IL19: variants seen among roughly 807,000 people sequenced by gnomAD.
IL19 encodes the protein interleukin-19.
A neutral mutation model predicts 19.5 loss-of-function variants in IL19; 15 were observed. The ratio of observed to expected loss-of-function variants is 0.77; its 90% confidence interval spans 0.52 to 1.19. The LOEUF (loss-of-function observed/expected upper bound fraction) is 1.19, where lower values mean the gene tolerates loss of function less well. Among genes scored for constraint, IL19 ranks in the 50% most tolerant of loss-of-function variants. The pLI, the probability that IL19 is intolerant of heterozygous loss-of-function variation, is 0.00. For missense variants in IL19, 199 were observed against 213.1 expected, an observed-to-expected ratio of 0.93 and a Z score of 0.41; for synonymous variants, 78 against 78.3, an observed-to-expected ratio of 1.00 and a Z score of 0.02.
intron 2 of IL19, among the ~76,000 whole-genome samples, chr1:206,822,204 G>A (rs1676306820): frequency 6.6e-6 from 1 of 152,174 alleles, no homozygotes; most frequent in Non-Finnish European, 1.5e-5. Context: ...AGGCTTGCAT[G>A]AAGGGGGAAA....
chr1:206,807,400 G>T (rs1433168921), intron 2 of IL19, among the ~76,000 whole-genome samples: 2 of 152,102 alleles, frequency 1.3e-5, no homozygotes, highest in Non-Finnish European at 2.9e-5. Flanking sequence ...TACTCACCAT[G>T]CTATAGTCAT....
chr1:206,842,931 C>T lies in IL19; in HGVS notation c.*309C>T. ...GTGAGCCAAGTGATATCCTGTAGTA[C>T]ACATTGTACTGAGTGGTTTTTCTGA... On this transcript the variant is annotated 3_prime_UTR_variant, in exon 7 of 7. Transcript: ENST00000659997. 1 of 201,442 alleles carries T rather than the reference C, an allele frequency of 5.0e-6. No individual in the cohort carries two copies. Among genetic ancestry groups the T allele is most frequent in the Non-Finnish European group, 1.0e-5 (1 of 99,870 alleles). 12.5% of individuals were successfully genotyped at this position (201,442 alleles called of 1,614,324 possible).
intron 2 of IL19, among the ~76,000 whole-genome samples, chr1:206,830,143 G>A (rs554559453): frequency 1.2e-3 from 181 of 152,292 alleles, no homozygotes; most frequent in African/African-American, 3.9e-3. Context: ...TAGAAAGGGC[G>A]CTGAGCCAGA....
At chr1:206,771,495 T>G (rs1674839361) in intron 1 of IL19, 1 of 1,218,536 alleles carries the variant, frequency 8.2e-7, no homozygotes, top group African/African-American at 1.5e-5. Flanking sequence ...CCCTTTCATT[T>G]AGAGATTTTT....
intron 2 of IL19, among the ~76,000 whole-genome samples, chr1:206,829,752 T>C (rs1382569764): frequency 6.6e-6 from 1 of 152,178 alleles, no homozygotes; most frequent in East Asian, 1.9e-4. Flanking sequence ...TTTCCATTAC[T>C]ATCCCTCCAT....
chr1:206,782,403 G>C (rs1675168709), intron 1 of IL19, among the ~76,000 whole-genome samples: 1 of 137,396 alleles, frequency 7.3e-6, no homozygotes, highest in Non-Finnish European at 1.6e-5. Context: ...ACCACCCTTA[G>C]AGAATGAATG....
intron 1 of IL19, among the ~76,000 whole-genome samples, chr1:206,796,056 G>A (rs1251266356): frequency 1.3e-5 from 2 of 151,922 alleles, no homozygotes; most frequent in Non-Finnish European, 1.5e-5. Context: ...CAGGAAAGCC[G>A]ATGGTATAGT....
chr1:206,810,902 TGG>T lies in IL19; in HGVS notation c.-3+11897_-3+11898del, dbSNP rs1418613621. Among the ~76,000 whole-genome samples, 3 of 152,312 alleles carry T rather than the reference TGG, an allele frequency of 2.0e-5. No homozygotes were observed. In the East Asian group the frequency reaches 5.8e-4, roughly 29 times the overall value. ...TGAGAGCTAGTTGTTTAAAAGAGCA[TGG>T]CATCTCTCTTGCTTCCTATCTCACC... On this transcript the variant is annotated intron_variant, in intron 2 of 6. Transcript: ENST00000659997.
In IL19 at chr1:206,842,698, A is replaced by AGGGGAAGGAGAT; in HGVS notation, c.*85_*96dup. On this transcript the variant is annotated 3_prime_UTR_variant, in exon 7 of 7. Transcript: ENST00000659997. ...TACTGTGGGAGACAGCCCACCTTGA[A>AGGGGAAGGAGAT]GGGGAAGGAGATGGGGAAGGCCCCT... 1.2e-6 allele frequency: 1 copy of AGGGGAAGGAGAT among 867,906 alleles called. No individual in the cohort carries two copies. Among genetic ancestry groups the AGGGGAAGGAGAT allele is most frequent in the South Asian group, 1.6e-5 (1 of 62,400 alleles). The allele number at this position is 867,906 out of a possible 1,614,324, so 53.8% of individuals were successfully genotyped here.
At chr1:206,779,589 C>T (rs949055525) in intron 1 of IL19, among the ~76,000 whole-genome samples, 7 of 152,192 alleles carry the variant, frequency 4.6e-5, no homozygotes, top group Non-Finnish European at 7.3e-5. Flanking sequence ...CCGTTCTCCA[C>T]GTTGTAGCAA....
chr1:206,828,025 T>C (rs1676485729), intron 2 of IL19, among the ~76,000 whole-genome samples: 1 of 99,410 alleles, frequency 1.0e-5, no homozygotes, highest in Non-Finnish European at 2.2e-5. Context: ...GCAAATGTGC[T>C]CAGTACTTGT....
intron 1 of IL19, among the ~76,000 whole-genome samples, chr1:206,776,503 T>A (rs968614539): frequency 2.6e-5 from 4 of 151,954 alleles, no homozygotes; most frequent in Non-Finnish European, 5.9e-5. Flanking sequence ...TACAAGATCT[T>A]ATAAAGAATC....
intron 2 of IL19, among the ~76,000 whole-genome samples, chr1:206,831,310 T>C (rs1676603308): frequency 6.6e-6 from 1 of 152,208 alleles, no homozygotes; most frequent in South Asian, 2.1e-4. Flanking sequence ...TTCTTTCTGC[T>C]TCCCTACTCA....
At chr1:206,796,407 A>ATC (rs1250050310) in intron 1 of IL19, among the ~76,000 whole-genome samples, 1 of 152,060 alleles carries the variant, frequency 6.6e-6, no homozygotes, top group Non-Finnish European at 1.5e-5. Flanking sequence ...AGCCATCACA[A>ATC]TCCTCCATTC....
In IL19 at chr1:206,842,837, C is replaced by T. The variant is rs1677064633; in HGVS notation, c.*215C>T. 4.3e-6 allele frequency: 2 copies of T among 467,662 alleles called. No homozygotes were observed. The highest frequency in any genetic ancestry group is 3.7e-5 in the Admixed American group (1 of 27,262). The allele number at this position is 467,662 out of a possible 1,614,324, so 29.0% of individuals were successfully genotyped here. ...TCTATCTGCTGAAAGGGCCTGCAGG[C>T]CATCCTGGGAGTAAAGGGCTGCCTT... On this transcript the variant is annotated 3_prime_UTR_variant, in exon 7 of 7. Transcript: ENST00000659997.
chr1:206,808,387 G>A (rs1675908306), intron 2 of IL19, among the ~76,000 whole-genome samples: 1 of 152,110 alleles, frequency 6.6e-6, no homozygotes, highest in Non-Finnish European at 1.5e-5. Flanking sequence ...ATTGACTGAT[G>A]TGATGTGAAG....
At chr1:206,788,162 G>A (rs1233408518) in intron 1 of IL19, among the ~76,000 whole-genome samples, 1 of 152,144 alleles carries the variant, frequency 6.6e-6, no homozygotes, top group Non-Finnish European at 1.5e-5. Flanking sequence ...ACATGTGTGT[G>A]CGTGTGTGAC....
At chr1:206,803,390 G>A (rs1044495048) in intron 2 of IL19, among the ~76,000 whole-genome samples, 8 of 152,108 alleles carry the variant, frequency 5.3e-5, no homozygotes, top group East Asian at 3.8e-4. Flanking sequence ...CTCTGTGGAC[G>A]GAAGAAGGTA....
intron 1 of IL19, chr1:206,771,520 T>G: frequency 1.1e-6 from 1 of 942,852 alleles, no homozygotes. Context: ...TTAAATAAAA[T>G]TGGCTCTGGC....
Sources: gnomAD v4.1 joint callset for allele counts (sites outside exome capture counted in the v4.1 genomes callset) on GRCh38, gnomAD v4.1.1 for gene constraint, MANE v1.5 for transcripts, NCBI Gene and HGNC (gene_info 2026-07-23, HGNC 2026-07-21) for gene names.